SLC25A33: variants seen among roughly 807,000 people sequenced by gnomAD.
The protein encoded by SLC25A33 is solute carrier family 25 member 33.
SLC25A33 carries 15 observed loss-of-function variants against 35.5 expected under a neutral mutation model. The observed-to-expected ratio is 0.42, with a 90% CI of 0.28 to 0.65. The LOEUF (loss-of-function observed/expected upper bound fraction) is 0.65, where lower values mean the gene tolerates loss of function less well. Ranked by LOEUF, SLC25A33 falls within the 30% of genes least tolerant of loss-of-function variation. The pLI, the probability that SLC25A33 is intolerant of heterozygous loss-of-function variation, is 0.20. For missense variants in SLC25A33, 257 were observed against 398.5 expected, an observed-to-expected ratio of 0.64 and a Z score of 3.02; for synonymous variants, 136 against 148.7, an observed-to-expected ratio of 0.91 and a Z score of 0.62.
rs925396842 is a variant in SLC25A33 at position 9,569,915 on chromosome 1, C to CA, written c.315-332dup. 2.7e-4 allele frequency among the ~76,000 whole-genome samples: 39 copies of CA among 144,896 alleles called. 1 individual carries two copies. Among genetic ancestry groups the CA allele is most frequent in the South Asian group, 6.6e-4 (3 of 4,570 alleles). Reference sequence around the variant, plus strand: ...GAAAAAGTGTGGTCTATTCTAGAAACAAAAAAAAAAATTAAAACTTCCAAT... The same window carrying CA: ...GAAAAAGTGTGGTCTATTCTAGAAACAAAAAAAAAAAATTAAAACTTCCAAT... On this transcript the variant is annotated intron_variant, in intron 3 of 6. Transcript: ENST00000302692.
At chr1:9,546,139 A>G (rs1342088743) in intron 1 of SLC25A33, among the ~76,000 whole-genome samples, 2 of 149,616 alleles carry the variant, frequency 1.3e-5, no homozygotes, top group African/African-American at 2.5e-5. Flanking sequence ...CAAATCCTTC[A>G]GATGTTTGCT....
At chr1:9,581,592 G>A (rs887256924) in intron 6 of SLC25A33, among the ~76,000 whole-genome samples, 1 of 152,096 alleles carries the variant, frequency 6.6e-6, no homozygotes, top group African/African-American at 2.4e-5. Context: ...AGCTGGGTGT[G>A]GTGGCAGGTG....
At chr1:9,572,849 C>G (rs1643609979) in intron 4 of SLC25A33, among the ~76,000 whole-genome samples, 1 of 149,648 alleles carries the variant, frequency 6.7e-6, no homozygotes, top group East Asian at 2.0e-4. Context: ...TGGAGGATCC[C>G]TTGAGCCCAG....
At position 9,553,646 on chromosome 1, in the gene SLC25A33, C is replaced by T; in HGVS notation, c.77C>T (p.Ala26Val). The T allele has an allele frequency of 6.2e-7, 1 of 1,613,456 alleles. No homozygotes were observed. The highest frequency in any genetic ancestry group is 8.5e-7 in the Non-Finnish European group (1 of 1,180,016). Residue 26 changes from alanine to valine, a missense_variant, in exon 2 of 7, where the codon GCT becomes GTT. Ala to Val is a moderately conservative substitution (Grantham distance 64). Coordinates refer to ENST00000302692, the MANE Select transcript of SLC25A33 (RefSeq NM_032315.3). ...TACAGGTGTGGAGGCACAGTTGGTGCTATTTTCACTTGTCCACTAGAAGTC... is the reference window on the plus strand; with the variant it reads ...TACAGGTGTGGAGGCACAGTTGGTGTTATTTTCACTTGTCCACTAGAAGTC... ...FAGGCGGTVG[A>V]IFTCPLEVIK...
intron 2 of SLC25A33, among the ~76,000 whole-genome samples, chr1:9,558,745 T>G (rs995683701): frequency 6.6e-6 from 1 of 152,194 alleles, no homozygotes; most frequent in Non-Finnish European, 1.5e-5. Context: ...ACCACTGTCC[T>G]GATGGAAGCC....
At chr1:9,575,396 C>G (rs1643649299) in intron 5 of SLC25A33, among the ~76,000 whole-genome samples, 1 of 151,668 alleles carries the variant, frequency 6.6e-6, no homozygotes, top group African/African-American at 2.4e-5. Flanking sequence ...GCGGGTGGGT[C>G]ACAAACTCAG....
intron 1 of SLC25A33, among the ~76,000 whole-genome samples, chr1:9,550,232 A>T (rs1439784779): frequency 2.2e-5 from 3 of 133,576 alleles, no homozygotes; most frequent in Non-Finnish European, 3.3e-5. Context: ...TTCTCTCTTT[A>T]AAAAAAAAAA....
At chr1:9,539,844 C>A in intron 1 of SLC25A33, 97 bp downstream of exon 1, 1 of 1,126,788 alleles carries the variant, frequency 8.9e-7, no homozygotes, top group Admixed American at 4.4e-5. Context: ...GGTTACCGGC[C>A]TTCCCCGGGC....
intron 1 of SLC25A33, among the ~76,000 whole-genome samples, chr1:9,544,362 G>A (rs537542632): frequency 9.3e-5 from 14 of 150,398 alleles, no homozygotes; most frequent in East Asian, 4.0e-4. Context: ...TCCACCTCCC[G>A]GGTTCAAGCA....
At chr1:9,558,216 A>C (rs146782579) in intron 2 of SLC25A33, among the ~76,000 whole-genome samples, 1 of 152,348 alleles carries the variant, frequency 6.6e-6, no homozygotes, top group African/African-American at 2.4e-5. Flanking sequence ...AGCCCCAGAC[A>C]CAAGGCTGAG....
intron 2 of SLC25A33, among the ~76,000 whole-genome samples, chr1:9,555,420 A>T (rs1245749670): frequency 6.6e-6 from 1 of 152,102 alleles, no homozygotes; most frequent in Non-Finnish European, 1.5e-5. Flanking sequence ...ACCCAGCCAC[A>T]TTTAGCACTT....
chr1:9,548,065 G>A (rs1643207572), intron 1 of SLC25A33, among the ~76,000 whole-genome samples: 1 of 151,890 alleles, frequency 6.6e-6, no homozygotes, highest in Admixed American at 6.6e-5. Flanking sequence ...TGTAGAGATG[G>A]GTTTTCACCA....
At chr1:9,580,547 T>C (rs538101145) in intron 6 of SLC25A33, among the ~76,000 whole-genome samples, 1 of 152,262 alleles carries the variant, frequency 6.6e-6, no homozygotes, top group Admixed American at 6.5e-5. Context: ...ATCAAAATGA[T>C]AATATGGGAG....
intron 4 of SLC25A33, among the ~76,000 whole-genome samples, chr1:9,572,153 C>CA (rs987515442): frequency 1.3e-5 from 2 of 152,156 alleles, no homozygotes; most frequent in Non-Finnish European, 2.9e-5. Flanking sequence ...CTATGTGATA[C>CA]AGAGCTCTGA....
chr1:9,541,301 C>T (rs796673883), intron 1 of SLC25A33, among the ~76,000 whole-genome samples: 24 of 152,254 alleles, frequency 1.6e-4, no homozygotes, highest in African/African-American at 5.3e-4. Context: ...CTACAGGCAC[C>T]CGCCACTACG....
intron 5 of SLC25A33, among the ~76,000 whole-genome samples, chr1:9,573,738 C>T (rs919208098): frequency 1.3e-5 from 2 of 152,110 alleles, no homozygotes; most frequent in Non-Finnish European, 2.9e-5. Context: ...TGTGGGTTCT[C>T]CTCCGGATGG....
rs186666783 is a variant in SLC25A33, at chr1:9,549,765, C to G, written c.57-3861C>G. ...CCTCCTGAGTACCTGGGATTACAGGCACCCGCCACCACACCCAGCTAATTT... is the reference window on the plus strand; with the variant it reads ...CCTCCTGAGTACCTGGGATTACAGGGACCCGCCACCACACCCAGCTAATTT... On this transcript the variant is annotated intron_variant, in intron 1 of 6. Transcript: ENST00000302692. 5.1e-3 allele frequency among the ~76,000 whole-genome samples: 765 copies of G among 150,674 alleles called. 21 individuals are homozygous for G. Among genetic ancestry groups the G allele is most frequent in the Admixed American group, 0.033 (493 of 14,990 alleles).
chr1:9,570,123 C>A, intron 3 of SLC25A33, 135 bp from the exon 4 acceptor site: 1 of 657,156 alleles, frequency 1.5e-6, no homozygotes, highest in Admixed American at 3.4e-5. Flanking sequence ...GGTTTTAGCA[C>A]AGGCGAGGAC....
chr1:9,551,015 A>G (rs961468581), intron 1 of SLC25A33, among the ~76,000 whole-genome samples: 2 of 151,988 alleles, frequency 1.3e-5, no homozygotes, highest in African/African-American at 4.8e-5. Context: ...ATTATAGCCT[A>G]TTTTCTTTAG....
Sources: allele counts gnomAD v4.1 joint callset (sites outside exome capture counted in the v4.1 genomes callset), GRCh38; gene constraint gnomAD v4.1.1; transcripts MANE v1.5; gene names NCBI Gene and HGNC (gene_info 2026-07-23, HGNC 2026-07-21).